FAM13A: variants seen among roughly 807,000 people sequenced by gnomAD.
FAM13A encodes the protein family with sequence similarity 13 member A.
In FAM13A, 76 loss-of-function variants were observed where a neutral mutation model predicts 129.6. The observed-to-expected ratio is 0.59, with a 90% CI of 0.49 to 0.71. The LOEUF (loss-of-function observed/expected upper bound fraction) is 0.71, where lower values mean the gene tolerates loss of function less well. Ranked by LOEUF, FAM13A falls within the 30% of genes least tolerant of loss-of-function variation. The probability of loss-of-function intolerance (pLI) is 0.00; values close to 1 mark genes in which losing one functional copy is unlikely to be tolerated. For missense variants in FAM13A, 1,108 were observed against 1,249.3 expected, an observed-to-expected ratio of 0.89 and a Z score of 1.70; for synonymous variants, 443 against 449.9, an observed-to-expected ratio of 0.98 and a Z score of 0.20.
chr4:88,774,770 A>C (rs998611360), intron 11 of FAM13A, among the ~76,000 whole-genome samples: 1 of 152,236 alleles, frequency 6.6e-6, no homozygotes, highest in Non-Finnish European at 1.5e-5. Flanking sequence ...AAAAAGCAGA[A>C]TCAACTAAAT....
At chr4:88,791,605 T>G (rs1725170865) in intron 8 of FAM13A, among the ~76,000 whole-genome samples, 1 of 152,144 alleles carries the variant, frequency 6.6e-6, no homozygotes, top group South Asian at 2.1e-4. Flanking sequence ...AAACTATAGT[T>G]CTACCTAATA....
chr4:88,770,973 C>T (rs1413800686), intron 11 of FAM13A, among the ~76,000 whole-genome samples: 3 of 152,098 alleles, frequency 2.0e-5, no homozygotes, highest in African/African-American at 7.2e-5. Context: ...TTCTCTAAGG[C>T]TTTTTTGTAA....
At chr4:88,834,177 G>A in intron 7 of FAM13A, among the ~76,000 whole-genome samples, 1 of 143,880 alleles carries the variant, frequency 7.0e-6, no homozygotes, top group Admixed American at 7.1e-5. Flanking sequence ...CTCCCAAAGT[G>A]CTGGGATTAT....
intron 6 of FAM13A, among the ~76,000 whole-genome samples, chr4:88,854,912 G>A (rs1361747134): frequency 6.6e-6 from 1 of 152,106 alleles, no homozygotes; most frequent in Non-Finnish European, 1.5e-5. Context: ...AATATTTACT[G>A]AGCACTTATT....
At position 88,751,975 on chromosome 4, in the gene FAM13A, T is replaced by A. The variant is rs532667800; in HGVS notation, c.1727-1338A>T. ...CAAAACTATCTTAAATAAGTGCTTA[T>A]TCAGGCTTCTATTTAAAAATATATA... On this transcript the variant is annotated intron_variant, in intron 14 of 23. Coordinates refer to ENST00000264344, the MANE Select transcript of FAM13A (RefSeq NM_014883.4). Among the ~76,000 whole-genome samples, 12 of 152,350 alleles carry A rather than the reference T, an allele frequency of 7.9e-5. No homozygotes were observed. In the East Asian group the frequency reaches 2.3e-3, roughly 29 times the overall value.
intron 14 of FAM13A, among the ~76,000 whole-genome samples, chr4:88,756,497 G>A (rs1743664122): frequency 6.6e-6 from 1 of 152,182 alleles, no homozygotes; most frequent in African/African-American, 2.4e-5. Context: ...TAGGAGCTAT[G>A]GTATGGGGAT....
At chr4:89,052,267 CTTTTTT>C (rs1560968059) in intron 1 of FAM13A, among the ~76,000 whole-genome samples, 2 of 26,408 alleles carry the variant, frequency 7.6e-5, no homozygotes, top group African/African-American at 1.8e-4. Flanking sequence ...TTTTTTTTTT[CTTTTTT>C]CTTTTTTCTT....
At chr4:88,886,484 A>C (rs1744441469) in intron 6 of FAM13A, among the ~76,000 whole-genome samples, 1 of 152,054 alleles carries the variant, frequency 6.6e-6, no homozygotes, top group Non-Finnish European at 1.5e-5. Flanking sequence ...GTTACTCAGG[A>C]GGCTGAGGCA....
intron 1 of FAM13A, among the ~76,000 whole-genome samples, chr4:89,049,066 A>C (rs947609034): frequency 1.3e-5 from 2 of 152,208 alleles, no homozygotes; most frequent in African/African-American, 2.4e-5. Flanking sequence ...TGGAATGTAA[A>C]GTTAAAAACA....
chr4:88,826,632 C>T (rs1733038931), intron 7 of FAM13A, among the ~76,000 whole-genome samples: 1 of 152,186 alleles, frequency 6.6e-6, no homozygotes, highest in Non-Finnish European at 1.5e-5. Context: ...CTAATTATTT[C>T]ACCTGCCAAT....
chr4:89,013,641 T>C (rs1389302929), intron 3 of FAM13A, among the ~76,000 whole-genome samples: 6 of 152,208 alleles, frequency 3.9e-5, no homozygotes, highest in East Asian at 3.8e-4. Context: ...ATATTACTTA[T>C]GTGTTTGTGG....
At position 88,971,508 on chromosome 4, in the gene FAM13A, A is replaced by G. The variant is rs562007434; in HGVS notation, c.605+19465T>C. 3.3e-5 allele frequency among the ~76,000 whole-genome samples: 5 copies of G among 152,172 alleles called. No individual in the cohort carries two copies. The South Asian group carries it at 1.0e-3, about 32-fold the overall frequency. Reference sequence around the variant, plus strand: ...GGACCCTTTCTTTGCTAAATACATGAATTTTAAATATTTTTCAAGTTGGGG... The same window carrying G: ...GGACCCTTTCTTTGCTAAATACATGGATTTTAAATATTTTTCAAGTTGGGG... On this transcript the variant is annotated intron_variant, in intron 4 of 23. Transcript: ENST00000264344.
At position 88,906,244 on chromosome 4, in the gene FAM13A, C is replaced by T. The variant is rs1458756533; in HGVS notation, c.843+135G>A. 161 of 626,330 alleles carry T rather than the reference C, an allele frequency of 2.6e-4. 1 individual carries two copies. Among genetic ancestry groups the T allele is most frequent in the Non-Finnish European group, 5.6e-5 (20 of 356,930 alleles). 38.8% of individuals were successfully genotyped at this position (626,330 alleles called of 1,614,324 possible). Reference sequence around the variant, plus strand: ...CAGAGGTTGCAGTGAGCTGAGATTGCGCCACTGCACTCCAGCCTGGACGAT... The same window carrying T: ...CAGAGGTTGCAGTGAGCTGAGATTGTGCCACTGCACTCCAGCCTGGACGAT... On this transcript the variant is annotated intron_variant, in intron 6 of 23. Coordinates refer to ENST00000264344, the MANE Select transcript of FAM13A (RefSeq NM_014883.4).
chr4:88,922,036 C>T (rs1424303215), intron 5 of FAM13A, among the ~76,000 whole-genome samples: 3 of 151,796 alleles, frequency 2.0e-5, no homozygotes, highest in Non-Finnish European at 2.9e-5. Flanking sequence ...TACAGGAGCA[C>T]CCAGATTCAT....
chr4:88,897,045 T>C (rs553515215), intron 6 of FAM13A, among the ~76,000 whole-genome samples: 35 of 152,306 alleles, frequency 2.3e-4, no homozygotes, highest in African/African-American at 7.5e-4. Flanking sequence ...CCTCAGTTCA[T>C]TGGATCCTCT....
In FAM13A at chr4:88,998,067, T is replaced by C. The variant is rs568780564; in HGVS notation, c.428-6917A>G. Among the ~76,000 whole-genome samples the C allele has an allele frequency of 3.6e-3, 546 of 152,234 alleles. 5 individuals are homozygous for C. Among genetic ancestry groups the C allele is most frequent in the African/African-American group, 0.013 (522 of 41,528 alleles). On this transcript the variant is annotated intron_variant, in intron 3 of 23. Transcript: ENST00000264344. ...ATGGAAGTGAATTCTGCCAACACTA[T>C]GAATGAGTCTGGGAGTAGATTCCCC...
Position 88,760,470 on chromosome 4 carries a change from G to A in FAM13A, c.1579-1569C>T, listed in dbSNP as rs1404042388. ...ATACAAAAAATTAGCCGGGCGTGGT[G>A]GCGGGCGCCTGTGGTCCCGGCTACT... On this transcript the variant is annotated intron_variant, in intron 13 of 23. Transcript: ENST00000264344. Among the ~76,000 whole-genome samples the A allele has an allele frequency of 2.6e-5, 2 of 77,792 alleles. 1 individual carries two copies. Among genetic ancestry groups the A allele is most frequent in the Non-Finnish European group, 7.4e-5 (2 of 27,048 alleles). The allele number at this position is 77,792 out of a possible 152,430, so 51.0% of individuals were successfully genotyped here. A position where few individuals can be genotyped will look rare whatever the true frequency, so the allele number is the denominator to read the frequency against.
chr4:88,877,996 T>A (rs1742846189), intron 6 of FAM13A, among the ~76,000 whole-genome samples: 1 of 152,118 alleles, frequency 6.6e-6, no homozygotes, highest in African/African-American at 2.4e-5. Flanking sequence ...TAAAGAAATT[T>A]GGTACTTTTT....
intron 7 of FAM13A, among the ~76,000 whole-genome samples, chr4:88,827,350 C>G (rs1035335245): frequency 6.6e-6 from 1 of 152,142 alleles, no homozygotes; most frequent in Non-Finnish European, 1.5e-5. Context: ...ATAAATTGGG[C>G]GCTGCAATTA....
Sources: allele counts gnomAD v4.1 joint callset (sites outside exome capture counted in the v4.1 genomes callset), GRCh38; gene constraint gnomAD v4.1.1; transcripts MANE v1.5; gene names NCBI Gene and HGNC (gene_info 2026-07-23, HGNC 2026-07-21).